The following MCM5 variants were observed in gnomAD, a reference collection of about 807,000 sequenced individuals.
MCM5 encodes the protein DNA replication licensing factor MCM5.
Under a neutral mutation model 79.9 loss-of-function variants are expected in MCM5, and 46 were observed. The ratio of observed to expected loss-of-function variants is 0.58; its 90% CI spans 0.45 to 0.74. The LOEUF (loss-of-function observed/expected upper bound fraction) is 0.74. Among genes scored for constraint, MCM5 ranks in the 30% least tolerant of loss-of-function variants. The pLI is 0.00. For missense variants in MCM5, 883 were observed against 1,017.0 expected (o/e 0.87, Z 1.79); for synonymous variants, 404 against 390.5 (o/e 1.03, Z -0.41).
chr22:35,424,055 A>G (rs940861597), intron 16 of MCM5, 99 bp from the exon 17 acceptor site: 12 of 732,834 alleles, frequency 1.6e-5, no homozygotes, highest in Non-Finnish European at 2.7e-5. Context: ...AGGTCAAAGG[A>G]GCCTGAGTAC....
At chr22:35,405,664 G>A (rs1428425926) in intron 4 of MCM5, among the ~76,000 whole-genome samples, 1 of 152,024 alleles carries the variant, frequency 6.6e-6, no homozygotes, top group Non-Finnish European at 1.5e-5. Context: ...ACTGCACCCA[G>A]CCTTTGAAGA....
chr22:35,405,737 C>T (rs539933955), intron 4 of MCM5, among the ~76,000 whole-genome samples: 2 of 152,034 alleles, frequency 1.3e-5, no homozygotes, highest in Admixed American at 6.5e-5. Flanking sequence ...CGGCCGGGCG[C>T]GGTGGCTCAT....
At chr22:35,412,313 G>A (rs1248232800) in intron 7 of MCM5, among the ~76,000 whole-genome samples, 197 bp from the exon 8 acceptor site, 1 of 152,174 alleles carries the variant, frequency 6.6e-6, no homozygotes, top group African/African-American at 2.4e-5. Flanking sequence ...CTCACCCTTT[G>A]GACCCTGGAA....
At chr22:35,442,511 T>TC in the MCM5 span, among the ~76,000 whole-genome samples, 13 of 152,180 alleles carry the variant, frequency 8.5e-5, no homozygotes, top group African/African-American at 3.1e-4. Context: ...GGCTGGTTCT[T>TC]CCTGGAAGCT....
the MCM5 span, among the ~76,000 whole-genome samples, chr22:35,444,040 A>G: frequency 1.3e-5 from 2 of 152,294 alleles, no homozygotes; most frequent in Admixed American, 1.3e-4. Context: ...ATTAAGTGAG[A>G]TGATGCTACA....
At chr22:35,433,712 T>C in the MCM5 span, among the ~76,000 whole-genome samples, 10 of 152,196 alleles carry the variant, frequency 6.6e-5, no homozygotes, top group Non-Finnish European at 1.0e-4. Flanking sequence ...ATTTCTACTT[T>C]TCCATCTGCA....
the MCM5 span, among the ~76,000 whole-genome samples, chr22:35,445,503 ATTTTTGTATTTT>A: frequency 0.65 from 93,750 of 144,760 alleles, 30,983 homozygotes; most frequent in African/African-American, 0.76. Flanking sequence ...TAATTTTTGT[ATTTTTGTATTTT>A]TTTTTTTTTT....
In MCM5 at chr22:35,421,444, G is replaced by T. The variant is rs370142628; in HGVS notation, c.1959G>T (p.Leu653Phe). 6.8e-6 allele frequency: 11 copies of T among 1,614,028 alleles called. No homozygotes were observed. Among genetic ancestry groups the T allele is most frequent in the Non-Finnish European group, 9.3e-6 (11 of 1,180,050 alleles). ...LFQVSTLDAA[L>F]SGTLSGVEGF... Reference sequence around the variant, plus strand: ...AAGTGTCCACGTTGGATGCTGCCTTGTCCGGTACCCTGTCAGGTGAGCAGA... The same window carrying T: ...AAGTGTCCACGTTGGATGCTGCCTTTTCCGGTACCCTGTCAGGTGAGCAGA... The change falls in exon 15 of 17, where the codon TTG becomes TTT. Residue 653 changes from leucine (L) to phenylalanine (F), a missense_variant. By Grantham distance (22) the Leu-to-Phe change is conservative. Coordinates refer to ENST00000216122, the MANE Select transcript of MCM5 (RefSeq NM_006739.4).
At chr22:35,418,659 CAAAA>C (rs60538141) in intron 13 of MCM5, among the ~76,000 whole-genome samples, 1 of 121,138 alleles carries the variant, frequency 8.3e-6, no homozygotes, top group Admixed American at 8.1e-5. Flanking sequence ...GACTCTGTCT[CAAAA>C]AAAAAAAATA....
downstream of MCM5, among the ~76,000 whole-genome samples, chr22:35,426,071 G>T (rs1386410895): frequency 1.3e-5 from 2 of 152,112 alleles, no homozygotes; most frequent in African/African-American, 4.8e-5. Flanking sequence ...CCAGTCAGGT[G>T]GGGGAGACTG....
chr22:35,416,020 G>T (rs1276023890), intron 10 of MCM5, 48 bp downstream of exon 10: 1 of 1,592,746 alleles, frequency 6.3e-7, no homozygotes, highest in East Asian at 2.3e-5. Flanking sequence ...TGGCACCAGG[G>T]TATGTGACTT....
At chr22:35,432,717 G>A in the MCM5 span, among the ~76,000 whole-genome samples, 104 of 152,100 alleles carry the variant, frequency 6.8e-4, 1 homozygote, top group East Asian at 0.013. Flanking sequence ...GTGTGTGTGC[G>A]GGGGGGTGGT....
At chr22:35,418,476 G>A (rs920668442) in intron 13 of MCM5, among the ~76,000 whole-genome samples, 4 of 151,984 alleles carry the variant, frequency 2.6e-5, no homozygotes, top group Non-Finnish European at 5.9e-5. Flanking sequence ...CCTGGCCAAC[G>A]TGGCGAAACC....
chr22:35,417,179 A>C (rs1932568694), intron 12 of MCM5, among the ~76,000 whole-genome samples: 1 of 152,222 alleles, frequency 6.6e-6, no homozygotes, highest in Non-Finnish European at 1.5e-5. Flanking sequence ...TGGTTTATAG[A>C]ATTGGTAAGT....
chr22:35,423,286 T>A lies in MCM5; in HGVS notation c.2048T>A (p.Phe683Tyr). The A allele has an allele frequency of 6.2e-7, 1 of 1,609,134 alleles. No individual in the cohort carries two copies. The highest frequency in any genetic ancestry group is 1.1e-5 in the South Asian group (1 of 90,436). Residue 683 changes from phenylalanine (F) to tyrosine (Y), a missense_variant, in exon 16 of 17, where the codon TTT (phenylalanine) becomes TAT (tyrosine). By Grantham distance (22) the Phe-to-Tyr change is conservative. This residue lies in a region of MCM5 where 426 missense variants were observed against 482.3 expected (regional missense o/e 0.88). Transcript: ENST00000216122. ...SRIEKQLKRR[F>Y]AIGSQVSEHS... ...ATCGAGAAGCAGCTCAAGCGCCGCT[T>A]TGCCATTGGCTCCCAGGTGTCTGAG...
chr22:35,404,871 A>G (rs1463081223), intron 4 of MCM5, among the ~76,000 whole-genome samples: 2 of 152,194 alleles, frequency 1.3e-5, no homozygotes, highest in Non-Finnish European at 2.9e-5. Context: ...TGTGAAGGGC[A>G]AGGGCTGGCC....
At chr22:35,446,751 C>T in the MCM5 span, among the ~76,000 whole-genome samples, 150 of 152,280 alleles carry the variant, frequency 9.9e-4, no homozygotes, top group African/African-American at 3.3e-3. Context: ...CTGGACTCAC[C>T]GCACCCCCTC....
intron 7 of MCM5, among the ~76,000 whole-genome samples, chr22:35,412,116 G>A (rs1027674774): frequency 1.3e-5 from 2 of 152,128 alleles, no homozygotes; most frequent in Non-Finnish European, 2.9e-5. Context: ...CTGGATCACC[G>A]TTGATCCTCC....
chr22:35,440,303 G>T, the MCM5 span, among the ~76,000 whole-genome samples: 1 of 152,240 alleles, frequency 6.6e-6, no homozygotes, highest in African/African-American at 2.4e-5. Context: ...CATGCAGAAG[G>T]TCCCTTAGGA....
Sources: allele counts gnomAD v4.1 joint callset (sites outside exome capture counted in the v4.1 genomes callset), GRCh38; gene constraint gnomAD v4.1.1; regional missense constraint gnomAD v4.1.1; transcripts MANE v1.5; gene names NCBI Gene and HGNC (gene_info 2026-07-23, HGNC 2026-07-21).